GRK3: variants seen among roughly 807,000 people sequenced by gnomAD.
GRK3 encodes G protein-coupled receptor kinase 3, also known as adrenergic, beta, receptor kinase 2.
A neutral mutation model predicts 95.7 loss-of-function variants in GRK3; 54 were observed. The ratio of observed to expected loss-of-function variants is 0.56; its 90% CI spans 0.45 to 0.71. The LOEUF (loss-of-function observed/expected upper bound fraction) is 0.71. Ranked by LOEUF, GRK3 falls within the 30% of genes least tolerant of loss-of-function variation. GRK3 has a pLI of 0.00. For synonymous variants in GRK3, 281 were observed against 290.8 expected (o/e 0.97, Z 0.34); for missense variants, 649 against 851.2 (o/e 0.76, Z 2.96).
At chr22:25,586,491 C>G (rs556328985) in intron 1 of GRK3, among the ~76,000 whole-genome samples, 40 of 152,250 alleles carry the variant, frequency 2.6e-4, no homozygotes, top group Non-Finnish European at 5.0e-4. Flanking sequence ...ATATATCTAC[C>G]TACTGTGTAC....
At chr22:25,685,956 C>T (rs2085109888) in intron 10 of GRK3, among the ~76,000 whole-genome samples, 1 of 151,194 alleles carries the variant, frequency 6.6e-6, no homozygotes, top group South Asian at 2.1e-4. Flanking sequence ...CACGGTGGCT[C>T]ACGCCTGTAA....
At chr22:25,625,033 C>T (rs182436768) in intron 2 of GRK3, among the ~76,000 whole-genome samples, 12 of 151,712 alleles carry the variant, frequency 7.9e-5, no homozygotes, top group East Asian at 3.9e-4. Context: ...TCTCCTGCCT[C>T]GGCCTCCCAA....
chr22:25,614,878 T>G (rs139230297), intron 2 of GRK3, among the ~76,000 whole-genome samples: 2 of 152,202 alleles, frequency 1.3e-5, no homozygotes, highest in South Asian at 2.1e-4. Flanking sequence ...GGAATGTCTC[T>G]TTAAACAAAA....
chr22:25,616,585 A>G (rs1469707584), intron 2 of GRK3, among the ~76,000 whole-genome samples: 1 of 152,212 alleles, frequency 6.6e-6, no homozygotes, highest in African/African-American at 2.4e-5. Context: ...CATACATCCA[A>G]AACATTTCAG....
intron 3 of GRK3, among the ~76,000 whole-genome samples, chr22:25,651,887 G>A (rs2146391497): frequency 6.6e-6 from 1 of 152,140 alleles, no homozygotes; most frequent in African/African-American, 2.4e-5. Context: ...GTCTTAATGT[G>A]GAAGTTAACC....
At chr22:25,650,763 C>A (rs1253149791) in intron 3 of GRK3, among the ~76,000 whole-genome samples, 2 of 152,172 alleles carry the variant, frequency 1.3e-5, no homozygotes, top group Non-Finnish European at 2.9e-5. Flanking sequence ...ATTTTTCTTA[C>A]ACACTAAATG....
At chr22:25,663,480 C>G (rs1030407980) in intron 4 of GRK3, 150 bp from the exon 5 acceptor site, 1 of 567,778 alleles carries the variant, frequency 1.8e-6, no homozygotes. Flanking sequence ...TATAAATACT[C>G]AACAGATTTT....
intron 2 of GRK3, among the ~76,000 whole-genome samples, chr22:25,631,884 G>C (rs930068951): frequency 2.0e-5 from 3 of 152,144 alleles, no homozygotes; most frequent in Non-Finnish European, 4.4e-5. Context: ...TGTTTGAGAC[G>C]CACTTTGCAC....
intron 2 of GRK3, among the ~76,000 whole-genome samples, chr22:25,607,267 AC>A (rs1200221965): frequency 6.6e-6 from 1 of 152,084 alleles, no homozygotes; most frequent in Non-Finnish European, 1.5e-5. Flanking sequence ...CAGCCGCAGT[AC>A]CTTTATCCCA....
intron 2 of GRK3, among the ~76,000 whole-genome samples, chr22:25,624,754 T>C (rs1345442208): frequency 1.3e-5 from 2 of 152,226 alleles, no homozygotes; most frequent in African/African-American, 4.8e-5. Flanking sequence ...CTATTTTCTC[T>C]TTGTAATTCT....
intron 8 of GRK3, among the ~76,000 whole-genome samples, chr22:25,676,000 C>G (rs2085025803): frequency 6.6e-6 from 1 of 152,210 alleles, no homozygotes; most frequent in African/African-American, 2.4e-5. Flanking sequence ...TGGGACCTCT[C>G]AATGCCTCCA....
chr22:25,682,070 C>T (rs1045295938), intron 9 of GRK3, among the ~76,000 whole-genome samples: 1 of 152,106 alleles, frequency 6.6e-6, no homozygotes, highest in Non-Finnish European at 1.5e-5. Flanking sequence ...ATTCCTTCAC[C>T]TGCGTGTTTA....
chr22:25,596,897 T>C (rs1242619605), intron 1 of GRK3, among the ~76,000 whole-genome samples: 4 of 152,182 alleles, frequency 2.6e-5, no homozygotes, highest in Non-Finnish European at 5.9e-5. Context: ...TAAATAATAT[T>C]ATAAGCACTT....
rs148455104 is a variant in GRK3 at position 25,698,811 on chromosome 22, T to C, written c.1160+3597T>C. 5.3e-3 allele frequency among the ~76,000 whole-genome samples: 799 copies of C among 151,916 alleles called. 7 individuals are homozygous for C. The highest frequency in any genetic ancestry group is 0.019 in the African/African-American group (774 of 41,440). The stretch of plus-strand genomic sequence containing the variant: ...AAGAATGTGAGCAAAAGGCAGTGAG[T>C]TTGCGCAGCAGCCCTGGAACCTGAC... On this transcript the variant is annotated intron_variant, in intron 13 of 20. Transcript: ENST00000324198.
chr22:25,710,557 G>A (rs755376096), intron 16 of GRK3, among the ~76,000 whole-genome samples: 4 of 152,132 alleles, frequency 2.6e-5, no homozygotes, highest in Non-Finnish European at 5.9e-5. Context: ...AACTTGCTTT[G>A]CGTGAACTCA....
intron 3 of GRK3, 105 bp downstream of exon 3, chr22:25,644,770 C>G (rs1373679834): frequency 2.6e-5 from 15 of 574,940 alleles, no homozygotes; most frequent in Non-Finnish European, 4.4e-5. Flanking sequence ...TTTAGAAATT[C>G]ATTGAAAGTA....
rs566970651 is a variant in GRK3, at chr22:25,694,340, C to A, written c.1053-767C>A. ...AGTTCCCCACCGGCTGCCTCGCATG[C>A]TTCCTGCTGCAGCCGGGCAAGCTCA... On this transcript the variant is annotated intron_variant, in intron 12 of 20. Transcript: ENST00000324198. Among the ~76,000 whole-genome samples the A allele has an allele frequency of 8.5e-5, 13 of 152,332 alleles. No individual in the cohort carries two copies. The South Asian group carries it at 2.5e-3, about 29-fold the overall frequency.
chr22:25,662,544 T>C (rs1382453955), intron 4 of GRK3, among the ~76,000 whole-genome samples: 1 of 152,210 alleles, frequency 6.6e-6, no homozygotes, highest in Non-Finnish European at 1.5e-5. Flanking sequence ...TCTGTATTCA[T>C]TGTTTATGTA....
chr22:25,711,016 CA>C (rs2085339668), intron 16 of GRK3, 51 bp from the exon 17 acceptor site: 1 of 1,134,104 alleles, frequency 8.8e-7, no homozygotes. Context: ...TAGGTTGGGA[CA>C]GGGCCATACG....
Sources: allele counts gnomAD v4.1 joint callset (sites outside exome capture counted in the v4.1 genomes callset), GRCh38; gene constraint gnomAD v4.1.1; transcripts MANE v1.5; gene names NCBI Gene and HGNC (gene_info 2026-07-23, HGNC 2026-07-21).